Variants in KSR2 observed in about 807,000 individuals in gnomAD.
The protein encoded by KSR2 is kinase suppressor of ras 2.
KSR2 carries 25 observed loss-of-function variants against 107.8 expected under a neutral mutation model. That is an observed-to-expected ratio of 0.23 (90% CI 0.17 to 0.32). The LOEUF is 0.32. Ranked by LOEUF, KSR2 falls within the 10% of genes least tolerant of loss-of-function variation. The probability of loss-of-function intolerance (pLI) is 1.00; values close to 1 mark genes in which losing one functional copy is unlikely to be tolerated. For synonymous variants in KSR2, 480 were observed against 507.0 expected, an observed-to-expected ratio of 0.95 and a Z score of 0.71; for missense variants, 887 against 1,268.9, an observed-to-expected ratio of 0.70 and a Z score of 4.57.
intron 5 of KSR2, among the ~76,000 whole-genome samples, chr12:117,645,868 C>CACGT (rs1428347073): frequency 2.1e-5 from 3 of 142,064 alleles, no homozygotes; most frequent in African/African-American, 7.9e-5. Context: ...TGTGTATGTG[C>CACGT]GTGTGTGTGT....
intron 16 of KSR2, among the ~76,000 whole-genome samples, chr12:117,479,535 C>T (rs1442634414): frequency 3.9e-5 from 6 of 152,130 alleles, no homozygotes; most frequent in Non-Finnish European, 4.4e-5. Flanking sequence ...CATTACAGGC[C>T]GTTAGCACCC....
chr12:117,954,922 C>G (rs2137583204), intron 1 of KSR2, among the ~76,000 whole-genome samples: 1 of 151,278 alleles, frequency 6.6e-6, no homozygotes, highest in African/African-American at 2.4e-5. Flanking sequence ...GAGGCTGACA[C>G]AGGAGAACCA....
intron 5 of KSR2, among the ~76,000 whole-genome samples, chr12:117,636,148 AATGTCTTTTT>A (rs1440428670): frequency 7.2e-5 from 11 of 152,160 alleles, no homozygotes; most frequent in African/African-American, 2.6e-4. Flanking sequence ...ATCTTCCACT[AATGTCTTTTT>A]CTATTGTAAG....
intron 4 of KSR2, among the ~76,000 whole-genome samples, chr12:117,730,683 A>G (rs566200342): frequency 3.3e-5 from 5 of 151,920 alleles, no homozygotes; most frequent in Non-Finnish European, 7.4e-5. Context: ...TGGTTTTTGT[A>G]TTTTTTGGTG....
chr12:117,496,052 CAA>C (rs33974181), intron 14 of KSR2, among the ~76,000 whole-genome samples: 40,624 of 113,310 alleles, frequency 0.36, 6,106 homozygotes, highest in South Asian at 0.54. Context: ...GACTCCGTCT[CAA>C]AAAAAAAAAA....
chr12:117,917,297 T>C (rs948463772), intron 1 of KSR2, among the ~76,000 whole-genome samples: 1 of 152,194 alleles, frequency 6.6e-6, no homozygotes, highest in Non-Finnish European at 1.5e-5. Context: ...TCCCAGTACT[T>C]TGGAATGCTG....
At chr12:117,800,199 C>T (rs1051100365) in intron 3 of KSR2, among the ~76,000 whole-genome samples, 2 of 152,122 alleles carry the variant, frequency 1.3e-5, no homozygotes, top group African/African-American at 2.4e-5. Flanking sequence ...GGGCAGAAGC[C>T]GGAGGGGTCT....
At chr12:117,639,277 A>G (rs567210260) in intron 5 of KSR2, among the ~76,000 whole-genome samples, 2 of 151,970 alleles carry the variant, frequency 1.3e-5, no homozygotes, top group African/African-American at 4.8e-5. Context: ...ATAAGCACAT[A>G]CACACATATG....
chr12:117,639,647 T>TTATTATTATTAG (rs1883268929), intron 5 of KSR2, among the ~76,000 whole-genome samples: 1 of 138,356 alleles, frequency 7.2e-6, no homozygotes, highest in Non-Finnish European at 1.6e-5. Context: ...ATTATTATTA[T>TTATTATTATTAG]TATTATTATT....
At chr12:117,547,322 G>A (rs147752237) in intron 9 of KSR2, among the ~76,000 whole-genome samples, 66 of 152,294 alleles carry the variant, frequency 4.3e-4, no homozygotes, top group African/African-American at 1.5e-3. Context: ...ACTCTTGCTG[G>A]GAGGGGTAAG....
rs1592950499 is a variant in KSR2 at position 117,519,931 on chromosome 12, G to A, written c.2219+4921C>T. Among the ~76,000 whole-genome samples, 4 of 152,136 alleles carry A rather than the reference G, an allele frequency of 2.6e-5. No homozygotes were observed. The South Asian group carries it at 8.3e-4, about 31-fold the overall frequency. On this transcript the variant is annotated intron_variant, in intron 14 of 19. Coordinates refer to ENST00000339824, the MANE Select transcript of KSR2 (RefSeq NM_173598.6). ...AGGCCAGTGGTTCTTAAACTGTGGC[G>A]TGAACAAAATCCCCTGGCACTTACT... is the stretch of plus-strand genomic sequence containing the variant.
chr12:117,654,770 T>C (rs1018506244), intron 5 of KSR2, among the ~76,000 whole-genome samples: 3 of 152,228 alleles, frequency 2.0e-5, no homozygotes, highest in Non-Finnish European at 2.9e-5. Context: ...TTGTATCCCA[T>C]GTGAGTGCTC....
intron 13 of KSR2, among the ~76,000 whole-genome samples, chr12:117,525,883 G>A (rs932579644): frequency 2.0e-5 from 3 of 152,216 alleles, no homozygotes; most frequent in African/African-American, 7.2e-5. Flanking sequence ...AGACATGAGA[G>A]TGAGGGGTTA....
At chr12:117,895,337 G>A (rs1052735500) in intron 1 of KSR2, among the ~76,000 whole-genome samples, 1 of 152,106 alleles carries the variant, frequency 6.6e-6, no homozygotes, top group Non-Finnish European at 1.5e-5. Context: ...TCCAGGCTCT[G>A]GGTAGAAGCT....
At chr12:117,870,217 G>A (rs1730697589) in intron 1 of KSR2, among the ~76,000 whole-genome samples, 1 of 152,196 alleles carries the variant, frequency 6.6e-6, no homozygotes, top group African/African-American at 2.4e-5. Flanking sequence ...TGAGGTTTGG[G>A]CAAGTCACTT....
chr12:117,608,414 A>T (rs1188582916), intron 5 of KSR2, among the ~76,000 whole-genome samples: 7 of 152,246 alleles, frequency 4.6e-5, no homozygotes, highest in Admixed American at 4.6e-4. Flanking sequence ...TTAATAAGGC[A>T]TCACTATTAT....
intron 3 of KSR2, among the ~76,000 whole-genome samples, chr12:117,789,811 A>T (rs1890195101): frequency 6.6e-6 from 1 of 152,216 alleles, no homozygotes. Flanking sequence ...GCAGGGAACA[A>T]AACAGACAAG....
intron 5 of KSR2, among the ~76,000 whole-genome samples, chr12:117,621,584 G>A (rs899737643): frequency 1.3e-5 from 2 of 152,144 alleles, no homozygotes; most frequent in African/African-American, 2.4e-5. Context: ...TACAGAGCAA[G>A]AATTTAGTGA....
chr12:117,484,576 G>T (rs1427720032), intron 15 of KSR2, 27 bp from the exon 16 acceptor site: 1 of 1,611,688 alleles, frequency 6.2e-7, no homozygotes, highest in African/African-American at 1.3e-5. Flanking sequence ...ACAGAGAGTT[G>T]CCAGAGAAAA....
Sources: gnomAD v4.1 joint callset for allele counts (sites outside exome capture counted in the v4.1 genomes callset) on GRCh38, gnomAD v4.1.1 for gene constraint, MANE v1.5 for transcripts, NCBI Gene and HGNC (gene_info 2026-07-23, HGNC 2026-07-21) for gene names.